The following CCDC178 variants were observed in gnomAD, a reference collection of about 807,000 sequenced individuals.
The protein encoded by CCDC178 is coiled-coil domain-containing protein 178.
A neutral mutation model predicts 117.4 loss-of-function variants in CCDC178; 126 were observed. The observed-to-expected ratio is 1.07, with a 90% CI of 0.93 to 1.24. The LOEUF (loss-of-function observed/expected upper bound fraction) is 1.24, where lower values mean the gene tolerates loss of function less well. Among genes scored for constraint, CCDC178 ranks in the 50% most tolerant of loss-of-function variants. The probability of loss-of-function intolerance (pLI) is 0.00; values close to 1 mark genes in which losing one functional copy is unlikely to be tolerated. For missense variants in CCDC178, 1,030 were observed against 986.9 expected (o/e 1.04, Z -0.59); for synonymous variants, 283 against 313.4 (o/e 0.90, Z 1.02).
At chr18:33,075,295 T>C (rs932211388) in intron 21 of CCDC178, among the ~76,000 whole-genome samples, 1 of 152,168 alleles carries the variant, frequency 6.6e-6, no homozygotes, top group Non-Finnish European at 1.5e-5. Context: ...AATTTGAATA[T>C]ATATGATTTT....
At chr18:33,241,073 C>A (rs921868465) in intron 15 of CCDC178, among the ~76,000 whole-genome samples, 2 of 151,766 alleles carry the variant, frequency 1.3e-5, no homozygotes, top group African/African-American at 4.8e-5. Context: ...ATACATACAT[C>A]AGCAGAAGAA....
chr18:33,179,915 TG>T (rs1194795713), intron 20 of CCDC178, among the ~76,000 whole-genome samples: 5 of 151,980 alleles, frequency 3.3e-5, no homozygotes, highest in African/African-American at 1.2e-4. Context: ...TTTTTTGGCT[TG>T]TTTTTTTCTG....
Position 33,346,359 on chromosome 18 carries a change from G to A in CCDC178, c.510C>T (p.Ala170=). 6.2e-7 allele frequency: 1 copy of A among 1,613,488 alleles called. No homozygotes were observed. The highest frequency in any genetic ancestry group is 8.5e-7 in the Non-Finnish European group (1 of 1,179,614). ...TTTCTAGACTTTTAATGAGACGAATGGCCTCTGAGAGCAATGTTTCCATTT... is the reference window on the plus strand; with the variant it reads ...TTTCTAGACTTTTAATGAGACGAATAGCCTCTGAGAGCAATGTTTCCATTT... The part of the protein sequence containing the change: ...KQEMETLLSE[A]IRLIKSLETD... The change falls in exon 9 of 23, where the codon GCC becomes GCT. Residue 170 remains alanine (A), a synonymous_variant. Coordinates refer to ENST00000383096, the MANE Select transcript of CCDC178 (RefSeq NM_001105528.4).
intron 21 of CCDC178, among the ~76,000 whole-genome samples, chr18:33,073,551 CTATA>C (rs3044485): frequency 0.065 from 7,004 of 106,986 alleles, 197 homozygotes; most frequent in African/African-American, 0.12. Context: ...ATCTATCTAT[CTATA>C]TATATATCTT....
chr18:33,145,334 T>C (rs559605686), intron 20 of CCDC178, among the ~76,000 whole-genome samples: 1 of 152,186 alleles, frequency 6.6e-6, no homozygotes, highest in South Asian at 2.1e-4. Flanking sequence ...TAAAAAGAGT[T>C]TGAATTTTTG....
Position 33,386,763 on chromosome 18 carries a change from C to A in CCDC178, c.208+2777G>T, listed in dbSNP as rs115939802. 9.6e-3 allele frequency among the ~76,000 whole-genome samples: 1,457 copies of A among 152,148 alleles called. 17 individuals are homozygous for A. Among genetic ancestry groups the A allele is most frequent in the African/African-American group, 0.033 (1,379 of 41,518 alleles). ...TCACAAACCCACAGTCAATATCATA[C>A]TAAATGGGCAAAAACAGGAAGCATT... On this transcript the variant is annotated intron_variant, in intron 5 of 22. Transcript: ENST00000383096.
At chr18:33,065,962 C>T (rs530501468) in intron 21 of CCDC178, among the ~76,000 whole-genome samples, 11 of 150,730 alleles carry the variant, frequency 7.3e-5, no homozygotes, top group African/African-American at 2.4e-4. Context: ...CCCGGGTTCA[C>T]GCCATTCTTC....
chr18:33,087,525 A>ATGTGTG (rs148317139), intron 21 of CCDC178, among the ~76,000 whole-genome samples: 3 of 148,730 alleles, frequency 2.0e-5, no homozygotes, highest in Non-Finnish European at 4.5e-5. Context: ...GTGTGTGTGT[A>ATGTGTG]TGTGTGTGTG....
chr18:33,272,452 G>A (rs958434923), intron 12 of CCDC178, among the ~76,000 whole-genome samples: 4 of 151,490 alleles, frequency 2.6e-5, no homozygotes, highest in African/African-American at 9.7e-5. Flanking sequence ...TTGCTTTACT[G>A]GTGAATACTA....
At chr18:33,157,270 T>C (rs953111273) in intron 20 of CCDC178, among the ~76,000 whole-genome samples, 7 of 152,200 alleles carry the variant, frequency 4.6e-5, no homozygotes, top group African/African-American at 9.6e-5. Context: ...GTCATACACA[T>C]TGAAATGTGA....
At chr18:33,218,802 T>C (rs1293667784) in intron 18 of CCDC178, among the ~76,000 whole-genome samples, 2 of 152,252 alleles carry the variant, frequency 1.3e-5, no homozygotes, top group East Asian at 1.9e-4. Flanking sequence ...CTCTGTTCCA[T>C]TGGTCTCTAT....
chr18:33,397,191 C>T lies in CCDC178; in HGVS notation c.76G>A (p.Val26Ile), dbSNP rs896471748. 4 of 1,606,448 alleles carry T rather than the reference C, an allele frequency of 2.5e-6. No individual in the cohort carries two copies. The South Asian group carries it at 3.3e-5, about 13-fold the overall frequency. The change falls in exon 4 of 23, where the codon GTA (valine) becomes ATA (isoleucine). Residue 26 changes from valine to isoleucine, a missense_variant. By Grantham distance (29) the Val-to-Ile change is conservative. Transcript: ENST00000383096. ...CATGCCTTCTCTCTGAGAGCCTTTA[C>T]TTCCTGACATGTTAAACCTATAAAA... ...QTNIGLTCQE[V>I]KALREKAWSR...
intron 20 of CCDC178, among the ~76,000 whole-genome samples, chr18:33,156,209 C>T (rs2144361049): frequency 6.6e-6 from 1 of 151,394 alleles, no homozygotes; most frequent in East Asian, 2.0e-4. Context: ...CTGCCTCAGC[C>T]ACCCGAGTAG....
intron 21 of CCDC178, among the ~76,000 whole-genome samples, chr18:32,987,022 G>T (rs887405585): frequency 6.7e-5 from 10 of 150,252 alleles, no homozygotes; most frequent in African/African-American, 2.4e-4. Context: ...AAAAGGAGGA[G>T]AAAAAATAGA....
chr18:33,297,144 G>A (rs879785849), intron 11 of CCDC178, among the ~76,000 whole-genome samples: 4 of 151,924 alleles, frequency 2.6e-5, no homozygotes, highest in African/African-American at 4.8e-5. Context: ...TGAAATAAAT[G>A]AAAATAGAAA....
At chr18:32,967,177 A>G (rs1177078624) in intron 22 of CCDC178, among the ~76,000 whole-genome samples, 2 of 151,576 alleles carry the variant, frequency 1.3e-5, no homozygotes, top group Non-Finnish European at 3.0e-5. Context: ...TTACATTAAC[A>G]TATTTTCTAA....
At chr18:33,342,419 GATA>G (rs1382977125) in intron 9 of CCDC178, among the ~76,000 whole-genome samples, 1 of 152,222 alleles carries the variant, frequency 6.6e-6, no homozygotes, top group East Asian at 1.9e-4. Flanking sequence ...TTGGGATAGA[GATA>G]ATTTCTTATC....
chr18:33,309,861 T>C (rs1391477110), intron 11 of CCDC178, among the ~76,000 whole-genome samples: 2 of 152,264 alleles, frequency 1.3e-5, no homozygotes, highest in South Asian at 2.1e-4. Context: ...ATAAAAATAA[T>C]TTTGTATGCA....
At chr18:33,135,725 T>G (rs1473557554) in intron 20 of CCDC178, among the ~76,000 whole-genome samples, 1 of 152,176 alleles carries the variant, frequency 6.6e-6, no homozygotes, top group Non-Finnish European at 1.5e-5. Context: ...CATGACTCAT[T>G]TTAAAAATCT....
Sources: allele counts gnomAD v4.1 joint callset (sites outside exome capture counted in the v4.1 genomes callset), GRCh38; gene constraint gnomAD v4.1.1; transcripts MANE v1.5; gene names NCBI Gene and HGNC (gene_info 2026-07-23, HGNC 2026-07-21).